The following PAPPA variants were observed in gnomAD, a reference collection of about 807,000 sequenced individuals.
PAPPA encodes pappalysin 1, also known as pappalysin-1.
Under a neutral mutation model 164.0 loss-of-function variants are expected in PAPPA, and 60 were observed. The observed-to-expected ratio is 0.37, with a 90% confidence interval of 0.30 to 0.45. The LOEUF is 0.45. PAPPA is among the 20% of genes least tolerant of loss of function. The probability of loss-of-function intolerance (pLI) is 1.00; values close to 1 mark genes in which losing one functional copy is unlikely to be tolerated. For missense variants in PAPPA, 1,782 were observed against 2,087.3 expected (o/e 0.85, Z 2.85); for synonymous variants, 875 against 814.1 (o/e 1.07, Z -1.27).
chr9:116,398,934 A>C lies in PAPPA; in HGVS notation c.*2318A>C. 1 of 335,900 alleles carries C rather than the reference A, an allele frequency of 3.0e-6. No individual in the cohort carries two copies. Among genetic ancestry groups the C allele is most frequent in the East Asian group, 7.9e-5 (1 of 12,716 alleles). The allele number at this position is 335,900 out of a possible 1,614,324, so 20.8% of individuals were successfully genotyped here. A position where few individuals can be genotyped will look rare whatever the true frequency, so the allele number is the denominator to read the frequency against. On this transcript the variant is annotated 3_prime_UTR_variant, in exon 22 of 22. Transcript: ENST00000328252. ...CTCTCCAGGCCTCTCTCTTGCCCTGAGTTATCAGCCTGTGTGGTGTTAACT... is the reference window on the plus strand; with the variant it reads ...CTCTCCAGGCCTCTCTCTTGCCCTGCGTTATCAGCCTGTGTGGTGTTAACT...
chr9:116,195,414 A>C (rs935037081), intron 2 of PAPPA, among the ~76,000 whole-genome samples: 1 of 152,194 alleles, frequency 6.6e-6, no homozygotes, highest in Non-Finnish European at 1.5e-5. Context: ...GTGACCTATG[A>C]GGAACAGTAG....
chr9:116,363,910 T>C (rs1846464159), intron 18 of PAPPA, among the ~76,000 whole-genome samples: 1 of 152,144 alleles, frequency 6.6e-6, no homozygotes, highest in Non-Finnish European at 1.5e-5. Context: ...CACTCTTGTG[T>C]TTAGCCCAGG....
chr9:116,270,455 C>A (rs950940970), intron 8 of PAPPA, among the ~76,000 whole-genome samples: 2 of 152,292 alleles, frequency 1.3e-5, no homozygotes, highest in South Asian at 4.1e-4. Context: ...AAATGTAAAT[C>A]ATCACAGAAA....
At chr9:116,304,239 T>A (rs540554839) in intron 10 of PAPPA, among the ~76,000 whole-genome samples, 1 of 152,354 alleles carries the variant, frequency 6.6e-6, no homozygotes, top group East Asian at 1.9e-4. Context: ...AGTTTATTCA[T>A]CTTTGTCCTC....
chr9:116,321,405 C>G (rs1420759968), intron 10 of PAPPA, among the ~76,000 whole-genome samples: 1 of 152,176 alleles, frequency 6.6e-6, no homozygotes, highest in Non-Finnish European at 1.5e-5. Context: ...CTCATTCTTC[C>G]CCTCAGTGAG....
chr9:116,267,459 C>G (rs1181008811), intron 8 of PAPPA, among the ~76,000 whole-genome samples: 1 of 152,216 alleles, frequency 6.6e-6, no homozygotes, highest in East Asian at 1.9e-4. Context: ...TAAATTATAT[C>G]TTTTAAACTT....
At chr9:116,312,699 C>G (rs1324735952) in intron 10 of PAPPA, among the ~76,000 whole-genome samples, 1 of 152,196 alleles carries the variant, frequency 6.6e-6, no homozygotes, top group Non-Finnish European at 1.5e-5. Context: ...CCTCCCCACT[C>G]TCTATTCCTT....
chr9:116,351,772 T>C (rs1846285557), intron 15 of PAPPA, among the ~76,000 whole-genome samples: 1 of 152,196 alleles, frequency 6.6e-6, no homozygotes, highest in Non-Finnish European at 1.5e-5. Flanking sequence ...AAGCACTCGG[T>C]ACATAGTAAC....
intron 19 of PAPPA, among the ~76,000 whole-genome samples, chr9:116,370,329 C>T (rs556277041): frequency 2.8e-4 from 42 of 152,246 alleles, no homozygotes; most frequent in African/African-American, 1.0e-3. Context: ...CTTCCTGCTT[C>T]CAGTGGAAGT....
At chr9:116,184,739 A>G (rs1182174376) in intron 1 of PAPPA, among the ~76,000 whole-genome samples, 2 of 152,220 alleles carry the variant, frequency 1.3e-5, no homozygotes, top group African/African-American at 4.8e-5. Flanking sequence ...TACTTTACCA[A>G]GAATACATTT....
chr9:116,217,179 G>T (rs916316440), intron 4 of PAPPA, among the ~76,000 whole-genome samples: 1 of 152,204 alleles, frequency 6.6e-6, no homozygotes, highest in South Asian at 2.1e-4. Context: ...ACACTTTTTT[G>T]TTGGGGGAAA....
intron 10 of PAPPA, among the ~76,000 whole-genome samples, chr9:116,318,890 A>G (rs1250067357): frequency 6.6e-6 from 1 of 152,154 alleles, no homozygotes; most frequent in East Asian, 1.9e-4. Flanking sequence ...GCCGACCCTC[A>G]GCAGGGCCTG....
chr9:116,396,346 T>C (rs1022744117), intron 21 of PAPPA, among the ~76,000 whole-genome samples, 163 bp from the exon 22 acceptor site: 1 of 152,188 alleles, frequency 6.6e-6, no homozygotes, highest in African/African-American at 2.4e-5. Context: ...ATGATCATGG[T>C]GTGCTCGATA....
At chr9:116,253,369 T>C (rs1844882634) in intron 7 of PAPPA, among the ~76,000 whole-genome samples, 1 of 152,180 alleles carries the variant, frequency 6.6e-6, no homozygotes, top group Admixed American at 6.5e-5. Flanking sequence ...CTTCATACAT[T>C]TTTTTAAAAA....
intron 9 of PAPPA, among the ~76,000 whole-genome samples, chr9:116,272,630 G>A (rs1845150699): frequency 6.6e-6 from 1 of 152,156 alleles, no homozygotes; most frequent in Admixed American, 6.5e-5. Flanking sequence ...AAATATTTAT[G>A]GTTGGAAGAT....
At chr9:116,279,411 CT>C (rs1186999294) in intron 9 of PAPPA, among the ~76,000 whole-genome samples, 2 of 152,090 alleles carry the variant, frequency 1.3e-5, no homozygotes, top group Non-Finnish European at 2.9e-5. Context: ...GCCATCCTGC[CT>C]CAGACCAAGG....
intron 1 of PAPPA, among the ~76,000 whole-genome samples, chr9:116,174,096 A>G (rs1270136256): frequency 6.6e-6 from 1 of 152,188 alleles, no homozygotes; most frequent in Middle Eastern, 3.2e-3. Flanking sequence ...GGTGATAATA[A>G]TAATATTTCC....
intron 7 of PAPPA, among the ~76,000 whole-genome samples, chr9:116,261,324 A>G (rs1057090832): frequency 6.6e-6 from 1 of 152,228 alleles, no homozygotes; most frequent in Non-Finnish European, 1.5e-5. Context: ...TAGAAACAAT[A>G]GGATCAATAA....
chr9:116,401,750 T>C lies in PAPPA; in HGVS notation c.*5134T>C, dbSNP rs1026937567. Reference sequence around the variant, plus strand: ...ATGGGTATTTCTAATTAATATGATGTTGAAACCTGTTTGGCACCTTCTGGA... The same window carrying C: ...ATGGGTATTTCTAATTAATATGATGCTGAAACCTGTTTGGCACCTTCTGGA... On this transcript the variant is annotated 3_prime_UTR_variant, in exon 22 of 22. Transcript: ENST00000328252. 1 of 151,396 alleles carries C rather than the reference T, an allele frequency of 6.6e-6. No homozygotes were observed. Among genetic ancestry groups the C allele is most frequent in the Non-Finnish European group, 1.5e-5 (1 of 67,744 alleles). 9.4% of individuals were successfully genotyped at this position (151,396 alleles called of 1,614,324 possible).
Sources: gnomAD v4.1 joint callset for allele counts (sites outside exome capture counted in the v4.1 genomes callset) on GRCh38, gnomAD v4.1.1 for gene constraint, MANE v1.5 for transcripts, NCBI Gene and HGNC (gene_info 2026-07-23, HGNC 2026-07-21) for gene names.